Variants in PAMR1 observed in about 807,000 individuals in gnomAD.
PAMR1 encodes the protein peptidase domain containing associated with muscle regeneration 1.
PAMR1 carries 88 observed loss-of-function variants against 81.8 expected under a neutral mutation model. That is an observed-to-expected ratio of 1.08 (90% CI 0.91 to 1.28). PAMR1 has a LOEUF of 1.28. Ranked by LOEUF, PAMR1 falls within the 50% of genes most tolerant of loss-of-function variation. PAMR1 has a pLI of 0.00. For missense variants in PAMR1, 935 were observed against 919.7 expected, an observed-to-expected ratio of 1.02 and a Z score of -0.21; for synonymous variants, 336 against 345.3, an observed-to-expected ratio of 0.97 and a Z score of 0.30.
intron 4 of PAMR1, among the ~76,000 whole-genome samples, chr11:35,472,999 C>A (rs1590350382): frequency 6.6e-6 from 1 of 152,000 alleles, no homozygotes; most frequent in Non-Finnish European, 1.5e-5. Context: ...GGAGTGGAAG[C>A]CAGGAAGCCA....
chr11:35,452,630 T>C (rs1041069882), intron 6 of PAMR1, among the ~76,000 whole-genome samples: 2 of 152,232 alleles, frequency 1.3e-5, no homozygotes, highest in African/African-American at 4.8e-5. Context: ...TGCTTCTTTA[T>C]AATTTTTTCC....
chr11:35,474,474 C>A (rs1357380539), intron 4 of PAMR1, among the ~76,000 whole-genome samples, 156 bp downstream of exon 4: 2 of 152,196 alleles, frequency 1.3e-5, no homozygotes, highest in African/African-American at 4.8e-5. Context: ...TAGTTGGCTG[C>A]AGTTTCAGCC....
intron 1 of PAMR1, among the ~76,000 whole-genome samples, chr11:35,522,001 C>T (rs1008362957): frequency 6.6e-6 from 1 of 152,040 alleles, no homozygotes; most frequent in African/African-American, 2.4e-5. Flanking sequence ...TGGCTCCCTG[C>T]AAGCTCCACC....
chr11:35,506,513 T>C (rs1850960006), intron 1 of PAMR1, among the ~76,000 whole-genome samples: 1 of 151,992 alleles, frequency 6.6e-6, no homozygotes, highest in Admixed American at 6.5e-5. Flanking sequence ...TCTCAGCTTT[T>C]GTTTATCTGA....
intron 6 of PAMR1, among the ~76,000 whole-genome samples, chr11:35,442,030 G>A (rs763494256): frequency 3.9e-5 from 6 of 152,068 alleles, no homozygotes; most frequent in Non-Finnish European, 7.4e-5. Context: ...TTTATTATCG[G>A]TATACAAGGA....
rs777146563 is a variant in PAMR1 at position 35,441,583 on chromosome 11, C to A, written c.931G>T (p.Val311Leu). ...TAGGAGTTGTTACAAAAGAAAGACA[C>A]CACGGTGCCAATTTTAGCATGGCGT... is the stretch of plus-strand genomic sequence containing the variant. Reference protein sequence around the residue: ...NGRHAKIGTVVSFFCNNSYVL... With the variant: ...NGRHAKIGTVLSFFCNNSYVL... Residue 311 changes from valine (V) to leucine (L), a missense_variant, in exon 7 of 11, where the codon GTG becomes TTG. Physicochemically the swap from Val to Leu is conservative, Grantham distance 32 (BLOSUM62 1). Coordinates refer to ENST00000619888, the MANE Select transcript of PAMR1 (RefSeq NM_001001991.3). The A allele has an allele frequency of 9.3e-6, 15 of 1,614,004 alleles. No homozygotes were observed. Among genetic ancestry groups the A allele is most frequent in the Non-Finnish European group, 7.6e-6 (9 of 1,179,898 alleles).
At chr11:35,468,879 T>C (rs1206825654) in intron 5 of PAMR1, among the ~76,000 whole-genome samples, 2 of 152,220 alleles carry the variant, frequency 1.3e-5, no homozygotes, top group East Asian at 1.9e-4. Context: ...TTTATCCCAA[T>C]GTAGAAGTAT....
intron 1 of PAMR1, among the ~76,000 whole-genome samples, chr11:35,499,870 G>C (rs1287794979): frequency 1.3e-5 from 2 of 152,202 alleles, no homozygotes; most frequent in Non-Finnish European, 2.9e-5. Flanking sequence ...TTTGAGATGA[G>C]AGGCATATGC....
intron 1 of PAMR1, among the ~76,000 whole-genome samples, chr11:35,502,413 C>T (rs1446180128): frequency 6.6e-6 from 1 of 152,128 alleles, no homozygotes; most frequent in Non-Finnish European, 1.5e-5. Flanking sequence ...CTCCCCCAAC[C>T]CACCTTCCTC....
intron 3 of PAMR1, among the ~76,000 whole-genome samples, chr11:35,483,121 G>T (rs987562421): frequency 1.3e-5 from 2 of 152,148 alleles, no homozygotes; most frequent in Non-Finnish European, 2.9e-5. Flanking sequence ...TAGGCTGGTG[G>T]GAGAACTGAT....
rs776628820 is a variant in PAMR1 at position 35,432,342 on chromosome 11, T to C, written c.*14A>G. ...ATATACAGAAACACTTCTCAAGGAG[T>C]GCATGAGCATGGTTCATTTCATATT... is the stretch of plus-strand genomic sequence containing the variant. On this transcript the variant is annotated 3_prime_UTR_variant, in exon 11 of 11. Coordinates refer to ENST00000619888, the MANE Select transcript of PAMR1 (RefSeq NM_001001991.3). 1 of 1,601,530 alleles carries C rather than the reference T, an allele frequency of 6.2e-7. No homozygotes were observed. The highest frequency in any genetic ancestry group is 1.1e-5 in the South Asian group (1 of 90,560).
chr11:35,466,571 CA>C (rs1398634517), intron 6 of PAMR1, among the ~76,000 whole-genome samples: 6 of 151,694 alleles, frequency 4.0e-5, no homozygotes, highest in Non-Finnish European at 8.8e-5. Flanking sequence ...GTTAAAAATA[CA>C]AAAAATTAGC....
intron 1 of PAMR1, among the ~76,000 whole-genome samples, chr11:35,510,086 G>A (rs1240918424): frequency 1.3e-5 from 2 of 152,132 alleles, no homozygotes; most frequent in Admixed American, 6.5e-5. Flanking sequence ...TTCATCACTA[G>A]CTCTTCCATT....
intron 1 of PAMR1, among the ~76,000 whole-genome samples, chr11:35,511,878 CTG>C (rs1456078234): frequency 6.6e-5 from 10 of 152,172 alleles, no homozygotes; most frequent in Non-Finnish European, 1.3e-4. Flanking sequence ...AATGATGAGA[CTG>C]TGAGTCAGAG....
At chr11:35,459,028 T>C (rs1424491940) in intron 6 of PAMR1, among the ~76,000 whole-genome samples, 2 of 152,208 alleles carry the variant, frequency 1.3e-5, no homozygotes, top group Non-Finnish European at 2.9e-5. Flanking sequence ...TCCCCCCTGA[T>C]GTTTTCCAGC....
chr11:35,477,557 G>A (rs756567494), intron 3 of PAMR1, among the ~76,000 whole-genome samples: 4 of 152,238 alleles, frequency 2.6e-5, no homozygotes, highest in Non-Finnish European at 5.9e-5. Context: ...CCTTGGGCAA[G>A]TTACTTCCTT....
At position 35,439,663 on chromosome 11, in the gene PAMR1, A is replaced by T. The variant is rs902636942; in HGVS notation, c.1064T>A (p.Val355Glu). Reference protein sequence around the residue: ...ACREPKISDLVRRRVLPMQVQ... With the variant: ...ACREPKISDLERRRVLPMQVQ... ...CTGCATCGGAAGAACTCTCCTTCTC[A>T]CCAGGTCTGAAATCTTTGGTTCTCG... The change falls in exon 8 of 11, where the codon GTG becomes GAG. Residue 355 changes from valine (V) to glutamate (E), a missense_variant. Physicochemically the swap from Val to Glu is moderately radical, Grantham distance 121. Transcript: ENST00000619888. 1 of 1,613,998 alleles carries T rather than the reference A, an allele frequency of 6.2e-7. No individual in the cohort carries two copies. The highest frequency in any genetic ancestry group is 8.5e-7 in the Non-Finnish European group (1 of 1,179,892).
chr11:35,479,957 C>T (rs1319538875), intron 3 of PAMR1, among the ~76,000 whole-genome samples: 1 of 152,146 alleles, frequency 6.6e-6, no homozygotes, highest in African/African-American at 2.4e-5. Context: ...TTATCAGGGG[C>T]TCAGGTGTTC....
chr11:35,483,655 G>C (rs1458564087), intron 3 of PAMR1, among the ~76,000 whole-genome samples: 1 of 151,992 alleles, frequency 6.6e-6, no homozygotes, highest in Non-Finnish European at 1.5e-5. Context: ...CACCCCTCTG[G>C]AGTTTAAATT....
Sources: allele counts gnomAD v4.1 joint callset (sites outside exome capture counted in the v4.1 genomes callset), GRCh38; gene constraint gnomAD v4.1.1; transcripts MANE v1.5; gene names NCBI Gene and HGNC (gene_info 2026-07-23, HGNC 2026-07-21).